NRXN3: variants seen among roughly 807,000 people sequenced by gnomAD.
The protein encoded by NRXN3 is neurexin 3.
In NRXN3, 32 loss-of-function variants were observed where a neutral mutation model predicts 137.6. The observed-to-expected ratio is 0.23, with a 90% CI of 0.18 to 0.31. NRXN3 has a LOEUF of 0.31. NRXN3 is among the 10% of genes least tolerant of loss of function. NRXN3 has a pLI of 1.00. For missense variants in NRXN3, 1,574 were observed against 2,062.5 expected, an observed-to-expected ratio of 0.76 and a Z score of 4.59; for synonymous variants, 798 against 784.5, an observed-to-expected ratio of 1.02 and a Z score of -0.29.
At chr14:79,016,276 G>A (rs904864871) in intron 15 of NRXN3, among the ~76,000 whole-genome samples, 1 of 152,052 alleles carries the variant, frequency 6.6e-6, no homozygotes, top group Non-Finnish European at 1.5e-5. Context: ...GGCTCAATTT[G>A]TTTTTGGTTT....
At chr14:79,257,143 G>A (rs558002112) in intron 15 of NRXN3, among the ~76,000 whole-genome samples, 20 of 152,150 alleles carry the variant, frequency 1.3e-4, no homozygotes, top group African/African-American at 4.6e-4. Flanking sequence ...AGAGTGTATT[G>A]CTTAAACCTC....
intron 16 of NRXN3, among the ~76,000 whole-genome samples, chr14:79,651,430 A>C (rs546675634): frequency 2.0e-5 from 3 of 152,296 alleles, no homozygotes; most frequent in East Asian, 3.9e-4. Context: ...AGGTGCTTTC[A>C]CCATTGTGTC....
Position 79,207,749 on chromosome 14 carries a change from G to T in NRXN3, c.3262+219608G>T, listed in dbSNP as rs183908931. Among the ~76,000 whole-genome samples the T allele has an allele frequency of 9.3e-4, 141 of 152,248 alleles. 3 individuals carry two copies. The East Asian group carries it at 0.021, about 23-fold the overall frequency. ...CAGGGGATTGTTGCATAGGCATAAG[G>T]GTTGTTCTTGGAAGCCTCTGGGTTT... On this transcript the variant is annotated intron_variant, in intron 15 of 20. Coordinates refer to ENST00000335750, the MANE Select transcript of NRXN3 (RefSeq NM_001330195.2).
chr14:79,409,439 C>T (rs2095373470), intron 15 of NRXN3, among the ~76,000 whole-genome samples: 1 of 149,342 alleles, frequency 6.7e-6, no homozygotes, highest in African/African-American at 2.5e-5. Context: ...TACATATATG[C>T]ATATGTAGGT....
chr14:79,858,819 A>C (rs1004154334), intron 20 of NRXN3, among the ~76,000 whole-genome samples: 11 of 152,136 alleles, frequency 7.2e-5, no homozygotes, highest in African/African-American at 2.4e-4. Context: ...GGGACCCCCT[A>C]GCAGAAGAAT....
At chr14:79,601,102 G>T (rs2097917566) in intron 16 of NRXN3, among the ~76,000 whole-genome samples, 1 of 139,098 alleles carries the variant, frequency 7.2e-6, no homozygotes, top group Admixed American at 7.7e-5. Context: ...GGAGTGCAGT[G>T]GCGCAATCTT....
At chr14:79,252,590 T>A (rs1597848952) in intron 15 of NRXN3, among the ~76,000 whole-genome samples, 2 of 139,186 alleles carry the variant, frequency 1.4e-5, no homozygotes, top group Admixed American at 7.2e-5. Context: ...TGGTGGGAGG[T>A]GGGTAGGGAT....
chr14:78,912,053 A>G (rs578028413), intron 10 of NRXN3, among the ~76,000 whole-genome samples: 1 of 151,616 alleles, frequency 6.6e-6, no homozygotes, highest in Admixed American at 6.6e-5. Context: ...TATATCTCCT[A>G]ATGCTATCCC....
intron 2 of NRXN3, among the ~76,000 whole-genome samples, chr14:78,253,056 T>C (rs2068902678): frequency 6.6e-6 from 1 of 151,410 alleles, no homozygotes; most frequent in East Asian, 2.0e-4. Context: ...AGAGTGGGCT[T>C]GAAGGGCACT....
At chr14:78,270,612 A>G (rs1392416125) in intron 2 of NRXN3, among the ~76,000 whole-genome samples, 2 of 152,212 alleles carry the variant, frequency 1.3e-5, no homozygotes, top group East Asian at 1.9e-4. Context: ...TAGAAGCTCA[A>G]CTTGTCATTT....
chr14:79,656,495 C>G (rs890927354), intron 16 of NRXN3, among the ~76,000 whole-genome samples: 2 of 152,130 alleles, frequency 1.3e-5, no homozygotes, highest in African/African-American at 4.8e-5. Context: ...TGACTTAGAG[C>G]CGTGGTAGCT....
intron 2 of NRXN3, among the ~76,000 whole-genome samples, chr14:78,265,685 G>A (rs1208824885): frequency 2.6e-5 from 4 of 152,076 alleles, no homozygotes; most frequent in Admixed American, 1.3e-4. Context: ...CCCAGCAGAG[G>A]CACAGTGGGA....
intron 4 of NRXN3, among the ~76,000 whole-genome samples, chr14:78,474,583 C>G (rs919379794): frequency 3.3e-5 from 5 of 152,050 alleles, no homozygotes; most frequent in African/African-American, 1.2e-4. Context: ...TGATCTTTTT[C>G]TTGGTCTCAG....
At chr14:79,257,559 A>ATGGTGGTGGTGGTGATGGTGG (rs1555900291) in intron 15 of NRXN3, among the ~76,000 whole-genome samples, 1 of 18,290 alleles carries the variant, frequency 5.5e-5, no homozygotes, top group Non-Finnish European at 1.2e-4. Context: ...GGTGGTGGTG[A>ATGGTGGTGGTGGTGATGGTGG]TGGTGGTGGT....
At chr14:79,005,711 G>A (rs1485715807) in intron 15 of NRXN3, among the ~76,000 whole-genome samples, 1 of 152,030 alleles carries the variant, frequency 6.6e-6, no homozygotes, top group East Asian at 1.9e-4. Context: ...ATCTAGATAT[G>A]TTCAATGGGC....
At chr14:79,659,399 T>C (rs2098522213) in intron 16 of NRXN3, among the ~76,000 whole-genome samples, 1 of 152,210 alleles carries the variant, frequency 6.6e-6, no homozygotes, top group Admixed American at 6.5e-5. Context: ...AGGCTTATAA[T>C]ATCTGGTTAC....
At chr14:78,409,492 C>T (rs1312284764) in intron 4 of NRXN3, among the ~76,000 whole-genome samples, 2 of 152,180 alleles carry the variant, frequency 1.3e-5, no homozygotes, top group African/African-American at 4.8e-5. Flanking sequence ...GCCCCTTTGC[C>T]CTTCCTTTGC....
In NRXN3 at chr14:78,957,257, C is replaced by A. The variant is rs756501381; in HGVS notation, c.2291C>A (p.Thr764Asn). ...CCATCCTTAGGCAAAGGACCAGAGA[C>A]CTTGTATGCAGGGCAGAAGCTCAAT... ...INCNSSKGPE[T>N]LYAGQKLNDN... The change falls in exon 11 of 21, where the codon ACC (threonine) becomes AAC (asparagine). Residue 764 changes from threonine to asparagine, a missense_variant. By Grantham distance (65) the Thr-to-Asn change is moderately conservative (BLOSUM62 0). Coordinates refer to ENST00000335750, the MANE Select transcript of NRXN3 (RefSeq NM_001330195.2). 12 of 1,614,014 alleles carry A rather than the reference C, an allele frequency of 7.4e-6. No individual in the cohort carries two copies. The highest frequency in any genetic ancestry group is 1.0e-5 in the Non-Finnish European group (12 of 1,179,958).
At chr14:78,421,261 C>CAAAAA (rs34046580) in intron 4 of NRXN3, among the ~76,000 whole-genome samples, 1 of 116,082 alleles carries the variant, frequency 8.6e-6, no homozygotes, top group African/African-American at 3.4e-5. Flanking sequence ...GACTCCATCT[C>CAAAAA]AAAAAAAAAA....
Sources: allele counts gnomAD v4.1 joint callset (sites outside exome capture counted in the v4.1 genomes callset), GRCh38; gene constraint gnomAD v4.1.1; transcripts MANE v1.5; gene names NCBI Gene and HGNC (gene_info 2026-07-23, HGNC 2026-07-21).